BRINP3: variants seen among roughly 807,000 people sequenced by gnomAD.
BRINP3 encodes BMP/retinoic acid inducible neural specific 3, also known as BMP/retinoic acid-inducible neural-specific protein 3.
BRINP3 carries 19 observed loss-of-function variants against 71.0 expected under a neutral mutation model. The ratio of observed to expected loss-of-function variants is 0.27; its 90% CI spans 0.19 to 0.39. The LOEUF is 0.39. Ranked by LOEUF, BRINP3 falls within the 10% of genes least tolerant of loss-of-function variation. The pLI, the probability that BRINP3 is intolerant of heterozygous loss-of-function variation, is 1.00. For synonymous variants in BRINP3, 380 were observed against 337.7 expected (o/e 1.13, Z -1.37); for missense variants, 959 against 940.8 (o/e 1.02, Z -0.25).
intron 2 of BRINP3, among the ~76,000 whole-genome samples, chr1:190,382,194 T>C (rs1429876709): frequency 3.3e-5 from 5 of 151,992 alleles, no homozygotes; most frequent in Non-Finnish European, 5.9e-5. Context: ...AAAAAAAATC[T>C]AGATGCATGT....
intron 2 of BRINP3, among the ~76,000 whole-genome samples, chr1:190,368,368 C>T (rs544344643): frequency 3.9e-5 from 6 of 152,128 alleles, no homozygotes; most frequent in Admixed American, 6.6e-5. Flanking sequence ...AATTACCTCC[C>T]GCTGGGTCTC....
chr1:190,338,869 T>A lies in BRINP3; in HGVS notation c.237-57119A>T, dbSNP rs1006400367. On this transcript the variant is annotated intron_variant, in intron 2 of 7. Coordinates refer to ENST00000367462, the MANE Select transcript of BRINP3 (RefSeq NM_199051.3). ...TTCATTTCACAAAGGACTAAAAACATAGTTATCAATATATTCTTGTTGTCA... is the reference window on the plus strand; with the variant it reads ...TTCATTTCACAAAGGACTAAAAACAAAGTTATCAATATATTCTTGTTGTCA... Among the ~76,000 whole-genome samples, 6 of 151,980 alleles carry A rather than the reference T, an allele frequency of 3.9e-5. No individual in the cohort carries two copies. In the East Asian group the frequency reaches 1.2e-3, roughly 30 times the overall value.
At chr1:190,410,026 CTTT>C (rs1373779578) in intron 2 of BRINP3, among the ~76,000 whole-genome samples, 4 of 152,044 alleles carry the variant, frequency 2.6e-5, no homozygotes, top group Non-Finnish European at 4.4e-5. Context: ...CTTCCCTCTT[CTTT>C]TATTTCCCTT....
intron 2 of BRINP3, among the ~76,000 whole-genome samples, chr1:190,352,843 C>CTT (rs1477653231): frequency 6.8e-6 from 1 of 147,870 alleles, no homozygotes; most frequent in Non-Finnish European, 1.5e-5. Context: ...CAGATATTCT[C>CTT]TCTCTCTCTC....
chr1:190,412,859 A>G (rs1672782486), intron 2 of BRINP3, among the ~76,000 whole-genome samples: 1 of 152,152 alleles, frequency 6.6e-6, no homozygotes. Flanking sequence ...TTAAAAGTGC[A>G]TGGTAGTAGT....
rs77488799 is a variant in BRINP3 at position 190,431,762 on chromosome 1, G to T, written c.236+22893C>A. Among the ~76,000 whole-genome samples the T allele has an allele frequency of 9.7e-3, 1,480 of 152,132 alleles. 26 individuals are homozygous for T. Among genetic ancestry groups the T allele is most frequent in the African/African-American group, 0.033 (1,390 of 41,526 alleles). On this transcript the variant is annotated intron_variant, in intron 2 of 7. Coordinates refer to ENST00000367462, the MANE Select transcript of BRINP3 (RefSeq NM_199051.3). Reference sequence around the variant, plus strand: ...ATGAACACACACATGCTCAGAAACCGTAGAAGTAAACCACAGTTTTTTTAA... The same window carrying T: ...ATGAACACACACATGCTCAGAAACCTTAGAAGTAAACCACAGTTTTTTTAA...
At chr1:190,394,707 A>G (rs1336790991) in intron 2 of BRINP3, among the ~76,000 whole-genome samples, 1 of 151,626 alleles carries the variant, frequency 6.6e-6, no homozygotes, top group East Asian at 1.9e-4. Flanking sequence ...TTCTAAATAT[A>G]CTGTGTTCAC....
intron 2 of BRINP3, among the ~76,000 whole-genome samples, chr1:190,450,327 T>G (rs1476996318): frequency 3.3e-5 from 5 of 152,208 alleles, no homozygotes; most frequent in Non-Finnish European, 5.9e-5. Flanking sequence ...AAATATGTTT[T>G]GCTAGTCTTA....
At chr1:190,462,744 C>G (rs978501210) in intron 1 of BRINP3, among the ~76,000 whole-genome samples, 3 of 152,026 alleles carry the variant, frequency 2.0e-5, no homozygotes, top group African/African-American at 2.4e-5. Context: ...TGAAGTCAAA[C>G]TGAATACTAT....
intron 6 of BRINP3, among the ~76,000 whole-genome samples, chr1:190,171,607 AG>A: frequency 6.6e-6 from 1 of 152,252 alleles, no homozygotes; most frequent in South Asian, 2.1e-4. Context: ...TTGCTACTGA[AG>A]TGTTACATAT....
At chr1:190,124,073 A>G (rs1348764748) in intron 7 of BRINP3, among the ~76,000 whole-genome samples, 1 of 152,174 alleles carries the variant, frequency 6.6e-6, no homozygotes, top group Non-Finnish European at 1.5e-5. Context: ...CCTAACATAC[A>G]TGAGTTGGAA....
chr1:190,174,278 C>G (rs1384872245), intron 6 of BRINP3, among the ~76,000 whole-genome samples: 2 of 152,046 alleles, frequency 1.3e-5, no homozygotes, highest in Non-Finnish European at 2.9e-5. Flanking sequence ...TAAGTTGGTA[C>G]CTACTCTGCC....
intron 6 of BRINP3, among the ~76,000 whole-genome samples, chr1:190,189,327 T>C (rs1248758575): frequency 6.6e-6 from 1 of 152,168 alleles, no homozygotes; most frequent in African/African-American, 2.4e-5. Flanking sequence ...CCTTACTTAT[T>C]TGTCTGTTCA....
At chr1:190,416,920 G>A (rs1486309505) in intron 2 of BRINP3, among the ~76,000 whole-genome samples, 3 of 152,110 alleles carry the variant, frequency 2.0e-5, no homozygotes, top group African/African-American at 7.2e-5. Flanking sequence ...CCAGATCCAA[G>A]CAATTTGGGA....
intron 2 of BRINP3, among the ~76,000 whole-genome samples, chr1:190,310,834 C>A (rs899966292): frequency 1.3e-5 from 2 of 151,626 alleles, no homozygotes; most frequent in Non-Finnish European, 3.0e-5. Context: ...TATAATTATC[C>A]AAATCCATGA....
At chr1:190,301,897 T>C (rs1664765676) in intron 2 of BRINP3, among the ~76,000 whole-genome samples, 2 of 151,944 alleles carry the variant, frequency 1.3e-5, no homozygotes, top group South Asian at 4.1e-4. Context: ...TTTCAGCAAA[T>C]ATTTATAGAT....
chr1:190,204,632 T>C (rs572881565), intron 6 of BRINP3, among the ~76,000 whole-genome samples: 19 of 152,000 alleles, frequency 1.3e-4, no homozygotes, highest in Non-Finnish European at 2.2e-4. Flanking sequence ...CCATCAATGC[T>C]TCAAGTATTA....
chr1:190,286,057 C>A (rs1571633177), intron 2 of BRINP3, among the ~76,000 whole-genome samples: 1 of 152,110 alleles, frequency 6.6e-6, no homozygotes, highest in African/African-American at 2.4e-5. Flanking sequence ...CAGTCCTTTT[C>A]AAGACACCAC....
At chr1:190,235,954 T>C (rs1658475206) in intron 4 of BRINP3, among the ~76,000 whole-genome samples, 1 of 151,930 alleles carries the variant, frequency 6.6e-6, no homozygotes, top group Admixed American at 6.6e-5. Flanking sequence ...TTTTTGTCTA[T>C]TTTGTTCACT....
Sources: allele counts gnomAD v4.1 joint callset (sites outside exome capture counted in the v4.1 genomes callset), GRCh38; gene constraint gnomAD v4.1.1; transcripts MANE v1.5; gene names NCBI Gene and HGNC (gene_info 2026-07-23, HGNC 2026-07-21).